The following OXCT1 variants were observed in gnomAD, a reference collection of about 807,000 sequenced individuals.
OXCT1 encodes 3-oxoacid CoA-transferase 1, also known as succinyl-CoA:3-ketoacid coenzyme A transferase 1, mitochondrial.
In OXCT1, 27 loss-of-function variants were observed where a neutral mutation model predicts 69.6. That is an observed-to-expected ratio of 0.39 (90% confidence interval 0.29 to 0.54). OXCT1 has a LOEUF of 0.54. OXCT1 is among the 20% of genes least tolerant of loss of function. OXCT1 has a pLI of 0.72. For synonymous variants in OXCT1, 202 were observed against 217.8 expected (o/e 0.93, Z 0.64); for missense variants, 437 against 650.2 (o/e 0.67, Z 3.57).
chr5:41,838,187 G>A (rs1234667823), intron 7 of OXCT1, among the ~76,000 whole-genome samples: 1 of 152,132 alleles, frequency 6.6e-6, no homozygotes, highest in African/African-American at 2.4e-5. Context: ...AGTGCATAGG[G>A]TATAGCACAG....
chr5:41,851,134 GA>G (rs1393821070), intron 4 of OXCT1, among the ~76,000 whole-genome samples: 1 of 151,550 alleles, frequency 6.6e-6, no homozygotes, highest in Non-Finnish European at 1.5e-5. Context: ...GCCTCTTTAA[GA>G]AAAAAAAGAA....
intron 13 of OXCT1, among the ~76,000 whole-genome samples, chr5:41,783,675 C>T (rs147549808): frequency 2.1e-3 from 327 of 152,318 alleles, no homozygotes; most frequent in African/African-American, 7.5e-3. Flanking sequence ...GTCTGCCTTT[C>T]AACACCAGAG....
intron 7 of OXCT1, among the ~76,000 whole-genome samples, chr5:41,817,787 A>T (rs1031873503): frequency 6.6e-6 from 1 of 152,210 alleles, no homozygotes; most frequent in Non-Finnish European, 1.5e-5. Flanking sequence ...ACACTATACC[A>T]GGCAGTATTA....
At chr5:41,838,571 T>C (rs1748483461) in intron 7 of OXCT1, among the ~76,000 whole-genome samples, 1 of 152,260 alleles carries the variant, frequency 6.6e-6, no homozygotes, top group East Asian at 1.9e-4. Context: ...ACTAGCCACA[T>C]GTAGCTTTGC....
chr5:41,814,143 G>A (rs1163908185), intron 7 of OXCT1, among the ~76,000 whole-genome samples: 2 of 151,658 alleles, frequency 1.3e-5, no homozygotes, highest in Non-Finnish European at 2.9e-5. Context: ...AAAAAAAACA[G>A]GTAAAAACTA....
At chr5:41,837,338 T>C (rs1748415140) in intron 7 of OXCT1, among the ~76,000 whole-genome samples, 1 of 151,708 alleles carries the variant, frequency 6.6e-6, no homozygotes, top group African/African-American at 2.4e-5. Flanking sequence ...CTATGTTATA[T>C]AGGGTGTAGT....
intron 15 of OXCT1, among the ~76,000 whole-genome samples, chr5:41,742,552 T>C (rs1371344113): frequency 6.6e-6 from 1 of 152,222 alleles, no homozygotes; most frequent in Non-Finnish European, 1.5e-5. Flanking sequence ...TACATATGTA[T>C]GCATGTGCCA....
intron 13 of OXCT1, among the ~76,000 whole-genome samples, chr5:41,788,298 A>G (rs1237391764): frequency 6.6e-6 from 1 of 152,170 alleles, no homozygotes; most frequent in Admixed American, 6.5e-5. Flanking sequence ...CAAAGAAATC[A>G]AAGGGCAAAA....
intron 5 of OXCT1, chr5:41,843,510 T>A (rs1748747042): frequency 2.2e-6 from 1 of 456,012 alleles, no homozygotes; most frequent in East Asian, 6.9e-5. Flanking sequence ...TTTTTATTTA[T>A]GTTTATTGCC....
intron 16 of OXCT1, among the ~76,000 whole-genome samples, chr5:41,736,171 G>C (rs545243332): frequency 1.3e-5 from 2 of 152,364 alleles, no homozygotes; most frequent in Non-Finnish European, 2.9e-5. Context: ...TTTTAAGGGA[G>C]AGTAATCATA....
intron 16 of OXCT1, among the ~76,000 whole-genome samples, chr5:41,734,570 C>T (rs952756209): frequency 1.3e-5 from 2 of 152,084 alleles, no homozygotes; most frequent in African/African-American, 4.8e-5. Context: ...AGAAATTTGA[C>T]ATACTCATTA....
chr5:41,861,323 TTGC>T lies in OXCT1; in HGVS notation c.266_268del (p.Ser89del). On this transcript the variant is annotated inframe_deletion, in exon 3 of 17. Coordinates refer to ENST00000196371, the MANE Select transcript of OXCT1 (RefSeq NM_000436.4). ...TAAAATGCACACTTACCCTGCATTG[TTGC>T]TGACTGCAGTTAGTCCTTTTACTCC... The T allele has an allele frequency of 6.3e-7, 1 of 1,597,920 alleles. No homozygotes were observed. Among genetic ancestry groups the T allele is most frequent in the Non-Finnish European group, 8.6e-7 (1 of 1,165,488 alleles).
At chr5:41,782,982 T>A (rs992621676) in intron 13 of OXCT1, among the ~76,000 whole-genome samples, 10 of 152,312 alleles carry the variant, frequency 6.6e-5, no homozygotes, top group African/African-American at 2.2e-4. Flanking sequence ...AAGAATTATA[T>A]CCTTAATTCC....
chr5:41,815,758 CATAAT>C (rs1220567341), intron 7 of OXCT1, among the ~76,000 whole-genome samples: 1 of 151,944 alleles, frequency 6.6e-6, no homozygotes, highest in Non-Finnish European at 1.5e-5. Flanking sequence ...AACAGGGAGA[CATAAT>C]ATAATTAATA....
rs771362509 is a variant in OXCT1, at chr5:41,870,363, GGGCGGTGA to G, written c.-13_-6del. 6.2e-7 allele frequency: 1 copy of G among 1,611,816 alleles called. No individual in the cohort carries two copies. The highest frequency in any genetic ancestry group is 1.7e-5 in the Admixed American group (1 of 60,022). The stretch of plus-strand genomic sequence containing the variant: ...GAGGAGTTTGAGAGCCGCCATCTTC[GGGCGGTGA>G]GGCAGGAGGAGGCTGCGGGTTGGAG... On this transcript the variant is annotated 5_prime_UTR_variant, in exon 1 of 17. Coordinates refer to ENST00000196371, the MANE Select transcript of OXCT1 (RefSeq NM_000436.4). The surrounding 1 kb of genome is among the most constrained non-coding windows in gnomAD (Gnocchi z 4.2).
chr5:41,783,805 G>C lies in OXCT1; in HGVS notation c.1248+10198C>G, dbSNP rs115551293. Among the ~76,000 whole-genome samples, 484 of 152,244 alleles carry C rather than the reference G, an allele frequency of 3.2e-3. 2 individuals carry two copies. The highest frequency in any genetic ancestry group is 0.011 in the African/African-American group (457 of 41,554). On this transcript the variant is annotated intron_variant, in intron 13 of 16. Transcript: ENST00000196371. ...CAGTCTCTGTGTTGAACATACCCAA[G>C]TTCCAGTGAACAGTCAAAGTCTTAG... is the stretch of plus-strand genomic sequence containing the variant.
intron 14 of OXCT1, among the ~76,000 whole-genome samples, chr5:41,750,549 C>CA (rs1259805298): frequency 3.3e-5 from 5 of 152,130 alleles, no homozygotes; most frequent in African/African-American, 1.2e-4. Context: ...AGATCTTCTC[C>CA]AAAAATGACA....
rs542017144 is a variant in OXCT1, at chr5:41,760,819, C to G, written c.1338+1292G>C. Among the ~76,000 whole-genome samples, 21 of 152,238 alleles carry G rather than the reference C, an allele frequency of 1.4e-4. No homozygotes were observed. In the South Asian group the frequency reaches 3.9e-3, roughly 29 times the overall value. On this transcript the variant is annotated intron_variant, in intron 14 of 16. Transcript: ENST00000196371. ...ATTATTCCATATTTATGCACCACTG[C>G]TCACCTCCCACTGTTTACTCAATTT...
At chr5:41,794,226 G>A in intron 12 of OXCT1, 148 bp from the exon 13 acceptor site, 1 of 688,914 alleles carries the variant, frequency 1.5e-6, no homozygotes, top group African/African-American at 1.8e-5. Flanking sequence ...TCAGCTCCAT[G>A]CTGACAGAGA....
Sources: gnomAD v4.1 joint callset for allele counts (sites outside exome capture counted in the v4.1 genomes callset) on GRCh38, gnomAD v4.1.1 for gene constraint, Gnocchi (gnomAD v3.1) non-coding constraint, MANE v1.5 for transcripts, NCBI Gene and HGNC (gene_info 2026-07-23, HGNC 2026-07-21) for gene names.